Variants in CDK12 observed in about 807,000 individuals in gnomAD.
The protein encoded by CDK12 is cyclin dependent kinase 12.
Under a neutral mutation model 133.8 loss-of-function variants are expected in CDK12, and 17 were observed. That is an observed-to-expected ratio of 0.13 (90% CI 0.09 to 0.19). The LOEUF (loss-of-function observed/expected upper bound fraction) is 0.19, where lower values mean the gene tolerates loss of function less well. Ranked by LOEUF, CDK12 falls within the 10% of genes least tolerant of loss-of-function variation. The pLI, the probability that CDK12 is intolerant of heterozygous loss-of-function variation, is 1.00. For synonymous variants in CDK12, 694 were observed against 683.6 expected (o/e 1.02, Z -0.24); for missense variants, 1,508 against 1,818.7 (o/e 0.83, Z 3.11).
At chr17:39,501,532 A>G in intron 6 of CDK12, 93 bp downstream of exon 6, 1 of 774,090 alleles carries the variant, frequency 1.3e-6, no homozygotes, top group South Asian at 1.8e-5. Flanking sequence ...ATTAGACCTA[A>G]TAGTGCAGTA....
At chr17:39,512,151 A>T (rs1056230345) in intron 8 of CDK12, among the ~76,000 whole-genome samples, 7 of 152,136 alleles carry the variant, frequency 4.6e-5, no homozygotes, top group African/African-American at 1.4e-4. Context: ...GTTCATAAGT[A>T]TGATCATAGC....
chr17:39,530,336 A>G (rs982113393), intron 13 of CDK12: 5 of 373,154 alleles, frequency 1.3e-5, no homozygotes, highest in African/African-American at 2.1e-5. Context: ...CTTTAAAGGA[A>G]GGAAATGGAG....
rs146308007 is a variant in CDK12 at position 39,530,848 on chromosome 17, C to A, written c.4005C>A (p.Asn1335Lys). ...AGTACTCCACCCGACCCCGTCCAAA[C>A]AGGACTTATGGAAACACTGATGGGC... Reference protein sequence around the residue: ...PMEYSTRPRPNRTYGNTDGPE... With the variant: ...PMEYSTRPRPKRTYGNTDGPE... The change falls in exon 14 of 14, where the codon AAC becomes AAA. Residue 1335 changes from asparagine to lysine, a missense_variant. Around this residue, in one of 9 missense-constraint regions of CDK12, gnomAD observed 399 missense variants for 469.6 expected, o/e 0.85. Transcript: ENST00000447079. 1 of 1,614,100 alleles carries A rather than the reference C, an allele frequency of 6.2e-7. No homozygotes were observed. Among genetic ancestry groups the A allele is most frequent in the African/African-American group, 1.3e-5 (1 of 74,930 alleles).
intron 1 of CDK12, among the ~76,000 whole-genome samples, chr17:39,468,286 A>T (rs1054409005): frequency 6.6e-6 from 1 of 152,198 alleles, no homozygotes; most frequent in African/African-American, 2.4e-5. Flanking sequence ...CCATTATGCA[A>T]GTTGTTTCCC....
intron 5 of CDK12, 40 bp downstream of exon 5, chr17:39,494,734 C>G (rs527313642): frequency 1.2e-4 from 161 of 1,317,896 alleles, no homozygotes; most frequent in Non-Finnish European, 1.6e-4. Context: ...GTAGACTGGT[C>G]CAATCTTTGC....
chr17:39,554,112 TG>T (rs2056060377), intron 2 of CDK12, among the ~76,000 whole-genome samples: 1 of 152,188 alleles, frequency 6.6e-6, no homozygotes, highest in Non-Finnish European at 1.5e-5. Context: ...TCAGTGCCCC[TG>T]GGCACTTTCC....
In CDK12 at chr17:39,533,100, AAAG is replaced by A. The variant is rs2054960622; in HGVS notation, c.*1790_*1792del. 4.3e-6 allele frequency: 1 copy of A among 232,168 alleles called. No homozygotes were observed. Among genetic ancestry groups the A allele is most frequent in the Non-Finnish European group, 8.5e-6 (1 of 117,484 alleles). 14.4% of individuals were successfully genotyped at this position (232,168 alleles called of 1,614,324 possible). On this transcript the variant is annotated 3_prime_UTR_variant, in exon 14 of 14. Transcript: ENST00000447079. ...AAAAAAAAAAAACTTTAAAGAAATG[AAAG>A]AAGAACCCTCTTCAGATACTTACTT...
chr17:39,492,564 C>T (rs1033472301), intron 3 of CDK12, among the ~76,000 whole-genome samples, 187 bp from the exon 4 acceptor site: 4 of 150,802 alleles, frequency 2.7e-5, no homozygotes, highest in African/African-American at 9.8e-5. Context: ...CCCGCTACCA[C>T]GCCTGGCTAA....
In CDK12 at chr17:39,532,725, TA is replaced by T. The variant is rs1376850871; in HGVS notation, c.*1413del. The T allele has an allele frequency of 8.6e-6, 2 of 232,786 alleles. No homozygotes were observed. The highest frequency in any genetic ancestry group is 1.7e-5 in the Non-Finnish European group (2 of 117,786). 14.4% of individuals were successfully genotyped at this position (232,786 alleles called of 1,614,324 possible). A position where few individuals can be genotyped will look rare whatever the true frequency, so the allele number is the denominator to read the frequency against. On this transcript the variant is annotated 3_prime_UTR_variant, in exon 14 of 14. Transcript: ENST00000447079. ...CAAAGAGATTTGGATTTGGTTTTGG[TA>T]AAAGGGGTTAAATTGTGCTTCCAGG...
At chr17:39,564,812 G>T (rs901257916) in exon 4 of CDK12, 7 of 152,242 alleles carry the variant, frequency 4.6e-5, no homozygotes, top group African/African-American at 1.7e-4. Flanking sequence ...AAGAAAGAAG[G>T]TTACAACTGA....
intron 4 of CDK12, among the ~76,000 whole-genome samples, chr17:39,493,151 A>T (rs1190081836): frequency 7.3e-6 from 1 of 136,942 alleles, no homozygotes. Flanking sequence ...GCGCAACCAC[A>T]CTCGACTAAT....
chr17:39,536,899 G>C (rs1442838065), downstream of CDK12, among the ~76,000 whole-genome samples: 1 of 152,194 alleles, frequency 6.6e-6, no homozygotes, highest in Non-Finnish European at 1.5e-5. Context: ...AGAAGGTATA[G>C]CCATGAAATA....
At chr17:39,470,857 A>T in intron 1 of CDK12, 22 bp from the exon 2 acceptor site, 2 of 1,578,638 alleles carry the variant, frequency 1.3e-6, no homozygotes, top group Non-Finnish European at 1.7e-6. Flanking sequence ...ATTCATTTAA[A>T]ACTGGCTTTT....
In CDK12 at chr17:39,471,102, C is replaced by T. The variant is rs878901411; in HGVS notation, c.1270C>T (p.Pro424Ser). Residue 424 changes from proline (P) to serine (S), a missense_variant, in exon 2 of 14, where the codon CCT becomes TCT. Pro to Ser is a moderately conservative substitution (Grantham distance 74). Around this residue, in one of 9 missense-constraint regions of CDK12, gnomAD observed 347 missense variants for 330.8 expected, o/e 1.05. Transcript: ENST00000447079. ...KMDGKESKGSPVFLPRKENSS... is the reference protein window; with the variant it reads ...KMDGKESKGSSVFLPRKENSS... The stretch of plus-strand genomic sequence containing the variant: ...GGATGGAAAGGAGTCCAAGGGTTCA[C>T]CTGTATTTTTGCCTAGAAAAGAGAA... 6.2e-7 allele frequency: 1 copy of T among 1,609,716 alleles called. No homozygotes were observed. The highest frequency in any genetic ancestry group is 1.1e-5 in the South Asian group (1 of 90,480).
chr17:39,541,496 C>T (rs1424341541), intron 1 of CDK12, among the ~76,000 whole-genome samples: 1 of 151,872 alleles, frequency 6.6e-6, no homozygotes, highest in East Asian at 1.9e-4. Context: ...TCCCAAGTAG[C>T]TGGGACTACA....
intron 10 of CDK12, 94 bp from the exon 11 acceptor site, chr17:39,519,862 G>A: frequency 1.4e-6 from 2 of 1,473,004 alleles, no homozygotes; most frequent in African/African-American, 1.4e-5. Context: ...CCAAAGTGCT[G>A]GAATTACAGG....
At chr17:39,486,003 A>G (rs1598005189) in intron 2 of CDK12, among the ~76,000 whole-genome samples, 2 of 146,396 alleles carry the variant, frequency 1.4e-5, no homozygotes, top group South Asian at 4.3e-4. Context: ...CCCAGGCTGG[A>G]GTGCAGTGGG....
rs1316397683 is a variant in CDK12, at chr17:39,531,265, G to T, written c.4422G>T (p.Gly1474=). The T allele has an allele frequency of 1.3e-6, 2 of 1,505,876 alleles. No individual in the cohort carries two copies. The highest frequency in any genetic ancestry group is 2.8e-5 in the African/African-American group (2 of 71,532). 93.3% of individuals were successfully genotyped at this position (1,505,876 alleles called of 1,614,324 possible). The change falls in exon 14 of 14, where the codon GGG becomes GGT. Residue 1474 remains glycine, a synonymous_variant. Transcript: ENST00000447079. ...CTGCTTATGGAAAACTCTATCGGGG[G>T]CCTACAAGAGTCCCACCAAGAGGGG... ...QSSAYGKLYR[G]PTRVPPRGGR...
intron 3 of CDK12, among the ~76,000 whole-genome samples, chr17:39,559,370 T>C (rs1217485551): frequency 6.6e-6 from 1 of 152,272 alleles, no homozygotes; most frequent in Non-Finnish European, 1.5e-5. Flanking sequence ...TATTAAGTAC[T>C]ATACAATTTT....
Sources: allele counts gnomAD v4.1 joint callset (sites outside exome capture counted in the v4.1 genomes callset), GRCh38; gene constraint gnomAD v4.1.1; regional missense constraint gnomAD v4.1.1; transcripts MANE v1.5; gene names NCBI Gene and HGNC (gene_info 2026-07-23, HGNC 2026-07-21).